Variants in RPS6KA5 observed in about 807,000 individuals in gnomAD.
RPS6KA5 encodes the protein ribosomal protein S6 kinase A5.
A neutral mutation model predicts 85.5 loss-of-function variants in RPS6KA5; 27 were observed. The ratio of observed to expected loss-of-function variants is 0.32; its 90% confidence interval spans 0.23 to 0.44. RPS6KA5 has a LOEUF of 0.44. Among genes scored for constraint, RPS6KA5 ranks in the 20% least tolerant of loss-of-function variants. The pLI, the probability that RPS6KA5 is intolerant of heterozygous loss-of-function variation, is 1.00. For missense variants in RPS6KA5, 811 were observed against 980.9 expected, an observed-to-expected ratio of 0.83 and a Z score of 2.31; for synonymous variants, 334 against 348.2, an observed-to-expected ratio of 0.96 and a Z score of 0.46.
At chr14:90,918,982 A>C (rs569047419) in intron 7 of RPS6KA5, among the ~76,000 whole-genome samples, 15 of 152,202 alleles carry the variant, frequency 9.9e-5, no homozygotes, top group African/African-American at 3.6e-4. Flanking sequence ...TTTCTAAAGA[A>C]AAAAAAATGC....
At chr14:90,955,429 T>C (rs2038447388) in intron 3 of RPS6KA5, among the ~76,000 whole-genome samples, 1 of 152,128 alleles carries the variant, frequency 6.6e-6, no homozygotes, top group Admixed American at 6.6e-5. Context: ...TAAAATTATT[T>C]TTTTGTGGAG....
At chr14:90,989,064 G>GT (rs1282708551) in intron 2 of RPS6KA5, among the ~76,000 whole-genome samples, 2 of 152,050 alleles carry the variant, frequency 1.3e-5, no homozygotes, top group Non-Finnish European at 2.9e-5. Context: ...CTTCTTATGA[G>GT]TAAGTCCTAA....
At chr14:90,941,713 T>A (rs990893537) in intron 5 of RPS6KA5, among the ~76,000 whole-genome samples, 2 of 152,202 alleles carry the variant, frequency 1.3e-5, no homozygotes, top group Admixed American at 1.3e-4. Context: ...TTATTGAACC[T>A]TTTTAGGGGG....
rs12892964 is a variant in RPS6KA5 at position 91,045,666 on chromosome 14, G to A, written c.103+14666C>T. Among the ~76,000 whole-genome samples the A allele has an allele frequency of 3.7e-3, 556 of 152,248 alleles. 1 individual carries two copies. Among genetic ancestry groups the A allele is most frequent in the Non-Finnish European group, 6.2e-3 (422 of 68,024 alleles). ...TTTATATTCCATTTGAATTTCCACA[G>A]TAGTTTCCTACCTGGTTTCCCTTCA... On this transcript the variant is annotated intron_variant, in intron 1 of 16. Coordinates refer to ENST00000614987, the MANE Select transcript of RPS6KA5 (RefSeq NM_004755.4).
intron 1 of RPS6KA5, among the ~76,000 whole-genome samples, chr14:91,010,407 T>G (rs1478114246): frequency 6.6e-6 from 1 of 152,106 alleles, no homozygotes. Flanking sequence ...AAAAACAAGC[T>G]AGCTCCAAGA....
Position 90,937,078 on chromosome 14 carries a change from C to A in RPS6KA5, c.618+6000G>T, listed in dbSNP as rs142194271. On this transcript the variant is annotated intron_variant, in intron 5 of 16. Transcript: ENST00000614987. ...GTACCTAGGACTGAGCTGAGGGGAACCCTCAGGTAGAAGAGGAAGAGCCAA... is the reference window on the plus strand; with the variant it reads ...GTACCTAGGACTGAGCTGAGGGGAAACCTCAGGTAGAAGAGGAAGAGCCAA... 4.4e-4 allele frequency among the ~76,000 whole-genome samples: 67 copies of A among 151,810 alleles called. 1 individual carries two copies. Among genetic ancestry groups the A allele is most frequent in the Admixed American group, 4.3e-3 (65 of 15,250 alleles).
At position 90,849,336 on chromosome 14, in the gene RPS6KA5, A is replaced by G. The variant is rs2031872464; in HGVS notation, c.*22738T>C. 6.6e-6 allele frequency: 1 copy of G among 152,218 alleles called. No homozygotes were observed. Among genetic ancestry groups the G allele is most frequent in the African/African-American group, 2.4e-5 (1 of 41,452 alleles). The allele number at this position is 152,218 out of a possible 1,614,324, so 9.4% of individuals were successfully genotyped here. On this transcript the variant is annotated 3_prime_UTR_variant, in exon 17 of 17. Coordinates refer to ENST00000614987, the MANE Select transcript of RPS6KA5 (RefSeq NM_004755.4). The stretch of plus-strand genomic sequence containing the variant: ...ACACGCACCCATATGTCTGAAGACA[A>G]AAGTTTTTTAAGAGGGCACGGACTC...
At chr14:91,044,887 A>T (rs1455667253) in intron 1 of RPS6KA5, among the ~76,000 whole-genome samples, 2 of 152,000 alleles carry the variant, frequency 1.3e-5, no homozygotes, top group Non-Finnish European at 2.9e-5. Context: ...AAAAAGAAAA[A>T]AAAAGGTGGA....
chr14:90,939,941 A>C (rs1298897182), intron 5 of RPS6KA5, among the ~76,000 whole-genome samples: 3 of 152,240 alleles, frequency 2.0e-5, no homozygotes. Context: ...AAGGAATGCA[A>C]GCTAATCAAA....
In RPS6KA5 at chr14:90,871,217, G is replaced by A. The variant is rs190447773; in HGVS notation, c.*857C>T. 2.7e-4 allele frequency: 41 copies of A among 152,586 alleles called. No homozygotes were observed. The highest frequency in any genetic ancestry group is 9.4e-4 in the African/African-American group (39 of 41,516). The allele number at this position is 152,586 out of a possible 1,614,324, so 9.5% of individuals were successfully genotyped here. ...ATACAAAGTAGAAGAGGAATGTGAG[G>A]ACAAATTTAAAGTAGAAAATGAAAA... is the stretch of plus-strand genomic sequence containing the variant. On this transcript the variant is annotated 3_prime_UTR_variant, in exon 17 of 17. Coordinates refer to ENST00000614987, the MANE Select transcript of RPS6KA5 (RefSeq NM_004755.4).
At chr14:91,052,330 T>C (rs2139951962) in intron 1 of RPS6KA5, 1 of 380,800 alleles carries the variant, frequency 2.6e-6, no homozygotes, top group South Asian at 1.9e-5. Flanking sequence ...TACCTGGGTA[T>C]GGTAGTGGGT....
intron 3 of RPS6KA5, among the ~76,000 whole-genome samples, chr14:90,963,589 A>G (rs1469389590): frequency 6.6e-6 from 1 of 152,152 alleles, no homozygotes; most frequent in Non-Finnish European, 1.5e-5. Context: ...TTCTAGCATA[A>G]CAAGATGTTC....
chr14:90,978,814 A>G (rs927938419), intron 2 of RPS6KA5, among the ~76,000 whole-genome samples: 7 of 152,194 alleles, frequency 4.6e-5, no homozygotes, highest in Admixed American at 3.9e-4. Flanking sequence ...ACTAGCTGTT[A>G]TTACGGTCAA....
intron 3 of RPS6KA5, among the ~76,000 whole-genome samples, chr14:90,972,612 T>C (rs567931134): frequency 6.6e-6 from 1 of 152,328 alleles, no homozygotes; most frequent in South Asian, 2.1e-4. Context: ...ATCCAAGTTC[T>C]CTATGCAAAA....
rs545974305 is a variant in RPS6KA5 at position 91,042,284 on chromosome 14, G to A, written c.103+18048C>T. Among the ~76,000 whole-genome samples the A allele has an allele frequency of 9.5e-4, 144 of 152,272 alleles. 2 individuals carry two copies. The highest frequency in any genetic ancestry group is 4.2e-3 in the Admixed American group (64 of 15,298). The stretch of plus-strand genomic sequence containing the variant: ...CCAGCACTTTGGGAGGCCGAGGTGG[G>A]TGGATCACGAGGTCAGGAGTTCAAG... On this transcript the variant is annotated intron_variant, in intron 1 of 16. Transcript: ENST00000614987.
rs868072956 is a variant in RPS6KA5, at chr14:90,890,614, C to T, written c.1709G>A (p.Arg570Gln). 3 of 1,614,038 alleles carry T rather than the reference C, an allele frequency of 1.9e-6. No individual in the cohort carries two copies. Among genetic ancestry groups the T allele is most frequent in the Non-Finnish European group, 2.5e-6 (3 of 1,179,982 alleles). Residue 570 changes from arginine (R) to glutamine (Q), a missense_variant, in exon 14 of 17, where the codon CGG (arginine) becomes CAG (glutamine). Coordinates refer to ENST00000614987, the MANE Select transcript of RPS6KA5 (RefSeq NM_004755.4). ...GGGCTGATTATCCGGTGGCTTTAGCCGTGCAAATCCAAAATCAATTATTTT... is the reference window on the plus strand; with the variant it reads ...GGGCTGATTATCCGGTGGCTTTAGCTGTGCAAATCCAAAATCAATTATTTT... ...EIKIIDFGFA[R>Q]LKPPDNQPLK... is the part of the protein sequence containing the mutation.
chr14:90,866,737 G>A lies in RPS6KA5; in HGVS notation c.*5337C>T, dbSNP rs1480063997. 6.6e-6 allele frequency: 1 copy of A among 152,114 alleles called. No individual in the cohort carries two copies. The highest frequency in any genetic ancestry group is 2.4e-5 in the African/African-American group (1 of 41,424). 9.4% of individuals were successfully genotyped at this position (152,114 alleles called of 1,614,324 possible). On this transcript the variant is annotated 3_prime_UTR_variant, in exon 17 of 17. Coordinates refer to ENST00000614987, the MANE Select transcript of RPS6KA5 (RefSeq NM_004755.4). ...TGCCAGTCTTTAAAAATTCCTCTATGTGTATATGTGGTTTCTTCTTCTTTT... is the reference window on the plus strand; with the variant it reads ...TGCCAGTCTTTAAAAATTCCTCTATATGTATATGTGGTTTCTTCTTCTTTT...
At chr14:91,008,467 T>C (rs1450587871) in intron 1 of RPS6KA5, among the ~76,000 whole-genome samples, 1 of 152,180 alleles carries the variant, frequency 6.6e-6, no homozygotes, top group East Asian at 1.9e-4. Context: ...TCATTGAGAA[T>C]ACAGGTCCCC....
chr14:91,005,200 G>A (rs1215105912), intron 1 of RPS6KA5, among the ~76,000 whole-genome samples: 2 of 152,126 alleles, frequency 1.3e-5, no homozygotes, highest in Non-Finnish European at 1.5e-5. Flanking sequence ...TTGGCCTACA[G>A]TCTTTGAGTT....
Sources: allele counts gnomAD v4.1 joint callset (sites outside exome capture counted in the v4.1 genomes callset), GRCh38; gene constraint gnomAD v4.1.1; transcripts MANE v1.5; gene names NCBI Gene and HGNC (gene_info 2026-07-23, HGNC 2026-07-21).